The following TECR variants were observed in gnomAD, a reference collection of about 807,000 sequenced individuals.
The protein encoded by TECR is very-long-chain enoyl-CoA reductase.
TECR carries 19 observed loss-of-function variants against 50.6 expected under a neutral mutation model. That is an observed-to-expected ratio of 0.38 (90% CI 0.26 to 0.55). The LOEUF is 0.55. Ranked by LOEUF, TECR falls within the 20% of genes least tolerant of loss-of-function variation. The probability of loss-of-function intolerance (pLI) is 0.79; values close to 1 mark genes in which losing one functional copy is unlikely to be tolerated. For missense variants in TECR, 313 were observed against 408.3 expected, an observed-to-expected ratio of 0.77 and a Z score of 2.01; for synonymous variants, 168 against 163.5, an observed-to-expected ratio of 1.03 and a Z score of -0.21.
chr19:14,541,401 C>A (rs1038989503), intron 1 of TECR, among the ~76,000 whole-genome samples: 10 of 152,212 alleles, frequency 6.6e-5, no homozygotes, highest in African/African-American at 2.4e-4. Flanking sequence ...GCTGCCGAGA[C>A]AACACTGGGC....
At chr19:14,558,007 G>A (rs1599484844) in intron 1 of TECR, among the ~76,000 whole-genome samples, 2 of 152,096 alleles carry the variant, frequency 1.3e-5, no homozygotes, top group East Asian at 3.9e-4. Flanking sequence ...CGCCCGCCTC[G>A]GCCTCCCAAA....
rs564057433 is a variant in TECR at position 14,563,921 on chromosome 19, C to T, written c.267+18C>T. The T allele has an allele frequency of 1.9e-6, 3 of 1,614,012 alleles. No individual in the cohort carries two copies. The highest frequency in any genetic ancestry group is 2.2e-5 in the East Asian group (1 of 44,882). On this transcript the variant is annotated intron_variant, in intron 5 of 12. Transcript: ENST00000215567. This position sits in a 1 kb window ranked among gnomAD's most constrained non-coding sequence, Gnocchi z 5.3. ...GGGTGACGGTGAGTCCTGACCCTAC[C>T]CACGGCCTCTTTTCCCGTCAGCCAC...
intron 1 of TECR, among the ~76,000 whole-genome samples, chr19:14,552,097 C>T (rs1182238786): frequency 1.3e-5 from 2 of 151,390 alleles, no homozygotes; most frequent in African/African-American, 2.4e-5. Flanking sequence ...CCTTGGCCTC[C>T]CAAAGTGCTG....
chr19:14,564,650 T>C, intron 7 of TECR, 136 bp from the exon 8 acceptor site: 2 of 639,772 alleles, frequency 3.1e-6, no homozygotes, highest in Admixed American at 2.7e-5. Context: ...TGGCCCCGCC[T>C]ATCCTCCCCA....
At chr19:14,543,415 ATATATTTTTTTTTTTTTTTTTTTTTTT>A (rs1265630705) in intron 1 of TECR, among the ~76,000 whole-genome samples, 34 of 9,488 alleles carry the variant, frequency 3.6e-3, no homozygotes, top group Non-Finnish European at 2.6e-3. Flanking sequence ...ATATATATAT[ATATATTTTTTTTTTTTTTTTTTTTTTT>A]TTTTTTTTTT....
rs777170025 is a variant in TECR, at chr19:14,563,925, G to A, written c.267+22G>A. ...GACGGTGAGTCCTGACCCTACCCAC[G>A]GCCTCTTTTCCCGTCAGCCACGTTG... is the stretch of plus-strand genomic sequence containing the variant. On this transcript the variant is annotated intron_variant, in intron 5 of 12. Coordinates refer to ENST00000215567, the MANE Select transcript of TECR (RefSeq NM_138501.6). The surrounding 1 kb of genome is among the most constrained non-coding windows in gnomAD (Gnocchi z 5.3). 2 of 1,613,954 alleles carry A rather than the reference G, an allele frequency of 1.2e-6. No homozygotes were observed. The highest frequency in any genetic ancestry group is 1.7e-5 in the Admixed American group (1 of 60,006).
At chr19:14,529,183 T>C, upstream of TECR, 1 of 235,188 alleles carries the variant, frequency 4.3e-6, no homozygotes, top group South Asian at 4.7e-5. Flanking sequence ...CTCCTGCTGT[T>C]CCCGGTGTAC....
At position 14,563,651 on chromosome 19, in the gene TECR, C is replaced by T; in HGVS notation, c.119-7C>T. On this transcript the variant is annotated splice_polypyrimidine_tract_variant and splice_region_variant and intron_variant, in intron 3 of 12. Coordinates refer to ENST00000215567, the MANE Select transcript of TECR (RefSeq NM_138501.6). The surrounding 1 kb of genome is among the most constrained non-coding windows in gnomAD (Gnocchi z 5.3). ...TGTGGGCTGTAACTGCCCTGTTCTC[C>T]CCGCAGATCCGCAGTGGTACCCCGC... 1 of 1,611,528 alleles carries T rather than the reference C, an allele frequency of 6.2e-7. No individual in the cohort carries two copies.
upstream of TECR, chr19:14,527,943 T>C (rs1408725328): frequency 6.6e-6 from 1 of 152,116 alleles, no homozygotes; most frequent in Non-Finnish European, 1.5e-5. Flanking sequence ...CAGGCTGGAG[T>C]GCAGTGGTGC....
At chr19:14,532,535 AGGG>A (rs1330193073) in intron 1 of TECR, 1 of 144,372 alleles carries the variant, frequency 6.9e-6, no homozygotes, top group Admixed American at 6.9e-5. Context: ...AAAAAAAAAA[AGGG>A]AAGCTTCAAA....
At position 14,559,892 on chromosome 19, in the gene TECR, C is replaced by T. The variant is rs180692816; in HGVS notation, c.16-2633C>T. On this transcript the variant is annotated intron_variant, in intron 1 of 12. Coordinates refer to ENST00000215567, the MANE Select transcript of TECR (RefSeq NM_138501.6). ...AGTCCTCTCTCTAGGAGGAGATGGC[C>T]GACGAGCTGGGGATTTGGGGCAGGA... Among the ~76,000 whole-genome samples, 8 of 152,258 alleles carry T rather than the reference C, an allele frequency of 5.3e-5. No homozygotes were observed. In the East Asian group the frequency reaches 5.8e-4, roughly 11 times the overall value.
At chr19:14,539,882 T>C (rs1250724549) in intron 1 of TECR, among the ~76,000 whole-genome samples, 1 of 8,882 alleles carries the variant, frequency 1.1e-4, no homozygotes, top group Non-Finnish European at 3.8e-4. Context: ...TTTTCTTTCT[T>C]TTTTTTTTTT....
At chr19:14,545,720 G>A (rs1249922068) in intron 1 of TECR, 1 of 161,082 alleles carries the variant, frequency 6.2e-6, no homozygotes, top group Non-Finnish European at 1.4e-5. Context: ...AGGTTTTTGG[G>A]AGTGACAGAC....
At chr19:14,561,593 T>C (rs1772751874) in intron 1 of TECR, among the ~76,000 whole-genome samples, 1 of 152,072 alleles carries the variant, frequency 6.6e-6, no homozygotes, top group African/African-American at 2.4e-5. Context: ...GTGCAGTGTT[T>C]GGGCTGACTC....
At chr19:14,550,241 T>C (rs1279782324) in intron 1 of TECR, among the ~76,000 whole-genome samples, 2 of 151,990 alleles carry the variant, frequency 1.3e-5, no homozygotes, top group African/African-American at 4.8e-5. Context: ...GTAAAGGAGA[T>C]GATTCGTGTT....
Position 14,563,549 on chromosome 19 carries a change from C to T in TECR, c.119-109C>T. On this transcript the variant is annotated intron_variant, in intron 3 of 12. Transcript: ENST00000215567. This position sits in a 1 kb window ranked among gnomAD's most constrained non-coding sequence, Gnocchi z 5.3. Reference sequence around the variant, plus strand: ...CCCAGGTGGGAGGAGCTGTGGAGTCCTGGGGTCCTTGCACCCTGGGAACCC... The same window carrying T: ...CCCAGGTGGGAGGAGCTGTGGAGTCTTGGGGTCCTTGCACCCTGGGAACCC... 6.9e-7 allele frequency: 1 copy of T among 1,454,236 alleles called. No homozygotes were observed. The highest frequency in any genetic ancestry group is 9.5e-7 in the Non-Finnish European group (1 of 1,048,434). The allele number at this position is 1,454,236 out of a possible 1,614,324, so 90.1% of individuals were successfully genotyped here. A position where few individuals can be genotyped will look rare whatever the true frequency, so the allele number is the denominator to read the frequency against.
intron 1 of TECR, among the ~76,000 whole-genome samples, chr19:14,548,316 T>A (rs1232025975): frequency 6.6e-6 from 1 of 152,120 alleles, no homozygotes; most frequent in Non-Finnish European, 1.5e-5. Flanking sequence ...TTTTTCCTCT[T>A]GAACCTGCAT....
chr19:14,542,709 C>T (rs1008157483), intron 1 of TECR, among the ~76,000 whole-genome samples: 30 of 152,090 alleles, frequency 2.0e-4, no homozygotes, highest in Non-Finnish European at 3.5e-4. Context: ...GTTCCTTATT[C>T]TGAGAAGTGT....
chr19:14,551,928 TCTC>T (rs2073526454), intron 1 of TECR, among the ~76,000 whole-genome samples: 1 of 102,898 alleles, frequency 9.7e-6, no homozygotes, highest in Non-Finnish European at 2.0e-5. Context: ...CCTCCCTCCC[TCTC>T]TCTCTCCCTC....
Sources: allele counts gnomAD v4.1 joint callset (sites outside exome capture counted in the v4.1 genomes callset), GRCh38; gene constraint gnomAD v4.1.1; non-coding constraint Gnocchi (gnomAD v3.1); transcripts MANE v1.5; gene names NCBI Gene and HGNC (gene_info 2026-07-23, HGNC 2026-07-21).